Variants in SETBP1 observed in about 807,000 individuals in gnomAD.
SETBP1 encodes SET binding protein 1.
In SETBP1, 9 loss-of-function variants were observed where a neutral mutation model predicts 101.0. The ratio of observed to expected loss-of-function variants is 0.09; its 90% CI spans 0.05 to 0.16. The LOEUF (loss-of-function observed/expected upper bound fraction) is 0.16. Among genes scored for constraint, SETBP1 ranks in the 10% least tolerant of loss-of-function variants. The probability of loss-of-function intolerance (pLI) is 1.00; values close to 1 mark genes in which losing one functional copy is unlikely to be tolerated. For synonymous variants in SETBP1, 818 were observed against 788.5 expected (o/e 1.04, Z -0.63); for missense variants, 1,858 against 2,033.8 (o/e 0.91, Z 1.66).
intron 4 of SETBP1, among the ~76,000 whole-genome samples, chr18:44,984,468 C>T (rs1400327194): frequency 2.6e-5 from 4 of 152,138 alleles, no homozygotes; most frequent in African/African-American, 9.7e-5. Context: ...TGACAGGAGG[C>T]GGAGCTCAGG....
intron 2 of SETBP1, among the ~76,000 whole-genome samples, chr18:44,788,209 C>T (rs2071286371): frequency 6.6e-6 from 1 of 152,020 alleles, no homozygotes; most frequent in African/African-American, 2.4e-5. Flanking sequence ...TGCCACTTCT[C>T]TTGGGCAGAT....
chr18:44,968,311 T>C (rs1369684914), intron 4 of SETBP1, among the ~76,000 whole-genome samples: 9 of 152,138 alleles, frequency 5.9e-5, no homozygotes, highest in Admixed American at 5.2e-4. Flanking sequence ...AAGATAGGGC[T>C]CCTGTACTCA....
At chr18:44,865,006 C>T (rs906697606) in intron 2 of SETBP1, among the ~76,000 whole-genome samples, 3 of 152,018 alleles carry the variant, frequency 2.0e-5, no homozygotes, top group African/African-American at 7.3e-5. Context: ...GTACTTCCTC[C>T]CCATGCCTCA....
chr18:44,892,254 A>C (rs952249295), intron 3 of SETBP1, among the ~76,000 whole-genome samples: 20 of 152,190 alleles, frequency 1.3e-4, no homozygotes, highest in African/African-American at 4.6e-4. Context: ...GAGAAGTTGC[A>C]CAAAGGCCTA....
At chr18:44,980,516 C>T (rs2145232558) in intron 4 of SETBP1, among the ~76,000 whole-genome samples, 1 of 152,170 alleles carries the variant, frequency 6.6e-6, no homozygotes, top group South Asian at 2.1e-4. Context: ...TCTAGAAACT[C>T]ATTACTTTAT....
chr18:44,885,890 A>C (rs189707352), intron 3 of SETBP1, among the ~76,000 whole-genome samples: 1 of 144,646 alleles, frequency 6.9e-6, no homozygotes, highest in Non-Finnish European at 1.5e-5. Context: ...ACCCTGTGAG[A>C]GTTGCTTCAA....
chr18:45,060,744 G>A (rs2073877845), intron 5 of SETBP1, among the ~76,000 whole-genome samples: 1 of 152,028 alleles, frequency 6.6e-6, no homozygotes, highest in Non-Finnish European at 1.5e-5. Flanking sequence ...CTAGGTTTCT[G>A]TTTATTTATT....
At chr18:44,868,679 A>G (rs1015031282) in intron 2 of SETBP1, among the ~76,000 whole-genome samples, 6 of 135,564 alleles carry the variant, frequency 4.4e-5, no homozygotes, top group Non-Finnish European at 8.0e-5. Flanking sequence ...AGAGAGAGAG[A>G]GAGAGAGAGA....
At chr18:44,713,364 G>A (rs2069388335) in intron 2 of SETBP1, among the ~76,000 whole-genome samples, 1 of 152,126 alleles carries the variant, frequency 6.6e-6, no homozygotes, top group Non-Finnish European at 1.5e-5. Context: ...ACCTTTCGCG[G>A]CAGCCCTTGT....
chr18:44,883,411 T>C (rs1164809154), intron 3 of SETBP1, among the ~76,000 whole-genome samples: 2 of 152,202 alleles, frequency 1.3e-5, no homozygotes, highest in Admixed American at 6.5e-5. Context: ...TTAAAATAAG[T>C]ATATGCTATA....
chr18:44,816,122 G>A (rs2144854983), intron 2 of SETBP1, among the ~76,000 whole-genome samples: 1 of 152,296 alleles, frequency 6.6e-6, no homozygotes, highest in Admixed American at 6.5e-5. Flanking sequence ...AGGTGAGGGA[G>A]GGGCTCCAAG....
At chr18:45,022,627 C>T (rs1049681793) in intron 4 of SETBP1, among the ~76,000 whole-genome samples, 1 of 152,038 alleles carries the variant, frequency 6.6e-6, no homozygotes, top group East Asian at 1.9e-4. Context: ...GTCAGGGGTT[C>T]GAGACCAGCC....
In SETBP1 at chr18:44,815,603, A is replaced by G. The variant is rs1474577266; in HGVS notation, c.487-53627A>G. Among the ~76,000 whole-genome samples the G allele has an allele frequency of 3.9e-5, 6 of 152,158 alleles. 1 individual carries two copies. Among genetic ancestry groups the G allele is most frequent in the Non-Finnish European group, 5.9e-5 (4 of 68,040 alleles). On this transcript the variant is annotated intron_variant, in intron 2 of 5. Coordinates refer to ENST00000649279, the MANE Select transcript of SETBP1 (RefSeq NM_015559.3). ...TGATACCTTTGCTATTCATGCATATAGTGTTTTCCAGTTTCTGTCCCTTGG... is the reference window on the plus strand; with the variant it reads ...TGATACCTTTGCTATTCATGCATATGGTGTTTTCCAGTTTCTGTCCCTTGG...
intron 4 of SETBP1, among the ~76,000 whole-genome samples, chr18:45,008,809 G>A (rs1454516696): frequency 6.6e-6 from 1 of 152,180 alleles, no homozygotes; most frequent in African/African-American, 2.4e-5. Flanking sequence ...TTAGCACTGA[G>A]CCAGCCAGGT....
intron 4 of SETBP1, among the ~76,000 whole-genome samples, chr18:45,013,512 T>C (rs2072882147): frequency 6.6e-6 from 1 of 152,108 alleles, no homozygotes; most frequent in African/African-American, 2.4e-5. Flanking sequence ...TGACCTGGGC[T>C]CATCGCAACT....
intron 2 of SETBP1, among the ~76,000 whole-genome samples, chr18:44,731,579 C>A (rs924638313): frequency 3.9e-5 from 6 of 151,948 alleles, no homozygotes; most frequent in Admixed American, 2.6e-4. Flanking sequence ...TTCTACTAGA[C>A]CCTGGGGCTA....
intron 4 of SETBP1, among the ~76,000 whole-genome samples, chr18:44,961,064 C>G (rs1316716513): frequency 6.6e-6 from 1 of 152,160 alleles, no homozygotes; most frequent in East Asian, 1.9e-4. Flanking sequence ...GGGGCTTAGG[C>G]AGCAGTTGCC....
At chr18:44,993,462 A>G (rs894002117) in intron 4 of SETBP1, among the ~76,000 whole-genome samples, 3 of 152,114 alleles carry the variant, frequency 2.0e-5, no homozygotes, top group Non-Finnish European at 4.4e-5. Context: ...AAAAGTGATT[A>G]AATACAGAAA....
intron 3 of SETBP1, among the ~76,000 whole-genome samples, chr18:44,923,582 G>T (rs1033506534): frequency 6.6e-6 from 1 of 152,194 alleles, no homozygotes; most frequent in African/African-American, 2.4e-5. Context: ...GCATTTATGA[G>T]CCAGCTGAAA....
Sources: gnomAD v4.1 joint callset for allele counts (sites outside exome capture counted in the v4.1 genomes callset) on GRCh38, gnomAD v4.1.1 for gene constraint, MANE v1.5 for transcripts, NCBI Gene and HGNC (gene_info 2026-07-23, HGNC 2026-07-21) for gene names.